Variants in CDH6 observed in about 807,000 individuals in gnomAD.
CDH6 encodes the protein cadherin 6.
CDH6 carries 31 observed loss-of-function variants against 78.0 expected under a neutral mutation model. That is an observed-to-expected ratio of 0.40 (90% CI 0.30 to 0.54). The LOEUF is 0.54. Ranked by LOEUF, CDH6 falls within the 20% of genes least tolerant of loss-of-function variation. CDH6 has a pLI of 0.56. For synonymous variants in CDH6, 376 were observed against 368.8 expected (o/e 1.02, Z -0.23); for missense variants, 724 against 975.9 (o/e 0.74, Z 3.44).
chr5:31,307,694 C>T (rs1355140583), intron 7 of CDH6, among the ~76,000 whole-genome samples: 1 of 152,176 alleles, frequency 6.6e-6, no homozygotes, highest in African/African-American at 2.4e-5. Context: ...AAGTAAGTAT[C>T]AAATTCAATT....
chr5:31,277,270 C>T (rs1742724415), intron 2 of CDH6, among the ~76,000 whole-genome samples: 1 of 152,268 alleles, frequency 6.6e-6, no homozygotes, highest in Non-Finnish European at 1.5e-5. Flanking sequence ...AACATCATCA[C>T]TTTATGGTAC....
intron 1 of CDH6, among the ~76,000 whole-genome samples, chr5:31,214,437 C>T (rs988183481): frequency 6.6e-6 from 1 of 152,162 alleles, no homozygotes; most frequent in Non-Finnish European, 1.5e-5. Context: ...ATGGTGGTTG[C>T]ACAATCAGAT....
intron 6 of CDH6, 65 bp from the exon 7 acceptor site, chr5:31,305,109 G>T: frequency 6.6e-7 from 1 of 1,525,304 alleles, no homozygotes; most frequent in Non-Finnish European, 8.8e-7. Context: ...AATGTTTCGT[G>T]TCTTGGCTTT....
intron 1 of CDH6, chr5:31,251,892 A>G (rs1420590372): frequency 6.6e-6 from 1 of 152,220 alleles, no homozygotes; most frequent in Non-Finnish European, 1.5e-5. Context: ...TCATATTCCA[A>G]AATGACACTT....
intron 1 of CDH6, among the ~76,000 whole-genome samples, chr5:31,224,700 C>G (rs12656151): frequency 6.6e-6 from 1 of 152,006 alleles, no homozygotes; most frequent in African/African-American, 2.4e-5. Flanking sequence ...ACTACAGGCA[C>G]GTGCCACCAC....
intron 1 of CDH6, among the ~76,000 whole-genome samples, chr5:31,202,642 A>AAT (rs921185658): frequency 2.3e-5 from 3 of 130,350 alleles, no homozygotes; most frequent in South Asian, 5.9e-4. Flanking sequence ...ACCTCAAAAA[A>AAT]ATATATATAT....
intron 1 of CDH6, among the ~76,000 whole-genome samples, chr5:31,200,941 A>G: frequency 6.6e-6 from 1 of 152,110 alleles, no homozygotes. Context: ...TTTATCTAAT[A>G]CTCTTCATTT....
chr5:31,323,022 C>T lies in CDH6; in HGVS notation c.2087C>T (p.Ala696Val). ...TTACGAAGGGACATTGTGCCCGAAG[C>T]CCTTTTCCTACCCCGACGGACTCCA... is the stretch of plus-strand genomic sequence containing the variant. ...NKLRRDIVPE[A>V]LFLPRRTPTA... Residue 696 changes from alanine to valine, a missense_variant, in exon 12 of 12, where the codon GCC (alanine) becomes GTC (valine). Physicochemically the swap from Ala to Val is moderately conservative, Grantham distance 64. Coordinates refer to ENST00000265071, the MANE Select transcript of CDH6 (RefSeq NM_004932.4). 1 of 1,614,160 alleles carries T rather than the reference C, an allele frequency of 6.2e-7. No homozygotes were observed. Among genetic ancestry groups the T allele is most frequent in the Non-Finnish European group, 8.5e-7 (1 of 1,180,022 alleles).
intron 1 of CDH6, among the ~76,000 whole-genome samples, chr5:31,252,022 T>A (rs1741922990): frequency 1.3e-5 from 2 of 152,130 alleles, no homozygotes; most frequent in Non-Finnish European, 2.9e-5. Context: ...AAGAAAAAAA[T>A]TCTGGGACAA....
At chr5:31,237,100 C>G (rs1426203175) in intron 1 of CDH6, among the ~76,000 whole-genome samples, 2 of 152,088 alleles carry the variant, frequency 1.3e-5, no homozygotes, top group Non-Finnish European at 2.9e-5. Flanking sequence ...TTATCTAAAC[C>G]TCACCGTGTT....
At chr5:31,278,963 T>C (rs1466088197) in intron 2 of CDH6, among the ~76,000 whole-genome samples, 1 of 152,226 alleles carries the variant, frequency 6.6e-6, no homozygotes, top group African/African-American at 2.4e-5. Flanking sequence ...AAAATCTGGC[T>C]CATTTCCTTA....
At chr5:31,252,344 T>TGTGTGTGTGC (rs755276733) in intron 1 of CDH6, among the ~76,000 whole-genome samples, 3 of 151,982 alleles carry the variant, frequency 2.0e-5, no homozygotes, top group Non-Finnish European at 4.4e-5. Context: ...TGTGTGTGTG[T>TGTGTGTGTGC]GTGTGTGTAT....
intron 2 of CDH6, among the ~76,000 whole-genome samples, chr5:31,292,327 C>T (rs1437603927): frequency 6.6e-6 from 1 of 152,184 alleles, no homozygotes; most frequent in Non-Finnish European, 1.5e-5. Flanking sequence ...GAGCCTTTGA[C>T]ATGTCAACAG....
chr5:31,265,851 T>C (rs1742333318), intron 1 of CDH6, among the ~76,000 whole-genome samples: 1 of 136,180 alleles, frequency 7.3e-6, no homozygotes, highest in Non-Finnish European at 1.5e-5. Context: ...CTTGGCTCAC[T>C]GCAAGCTCCG....
intron 7 of CDH6, among the ~76,000 whole-genome samples, chr5:31,306,277 A>G (rs1737987473): frequency 6.6e-6 from 1 of 152,216 alleles, no homozygotes; most frequent in South Asian, 2.1e-4. Context: ...GGAAATTAAT[A>G]CAACAGAGTC....
At chr5:31,308,596 G>C (rs1738060599) in intron 7 of CDH6, among the ~76,000 whole-genome samples, 1 of 151,998 alleles carries the variant, frequency 6.6e-6, no homozygotes, top group South Asian at 2.1e-4. Context: ...AACAAGCAAG[G>C]CTTGTGTACA....
intron 2 of CDH6, among the ~76,000 whole-genome samples, chr5:31,284,097 G>GA (rs1349982239): frequency 6.6e-6 from 1 of 152,186 alleles, no homozygotes; most frequent in East Asian, 1.9e-4. Flanking sequence ...TTACAGGAAT[G>GA]AGCCACCGTG....
At chr5:31,221,351 C>T (rs1442535168) in intron 1 of CDH6, among the ~76,000 whole-genome samples, 1 of 152,150 alleles carries the variant, frequency 6.6e-6, no homozygotes, top group Non-Finnish European at 1.5e-5. Context: ...GTCTTGTGCT[C>T]AACTCACATA....
chr5:31,273,461 C>T (rs1005477825), intron 2 of CDH6, among the ~76,000 whole-genome samples: 7 of 152,174 alleles, frequency 4.6e-5, no homozygotes, highest in Non-Finnish European at 8.8e-5. Flanking sequence ...AACCCTAATG[C>T]ATGGGTATTG....
Sources: gnomAD v4.1 joint callset for allele counts (sites outside exome capture counted in the v4.1 genomes callset) on GRCh38, gnomAD v4.1.1 for gene constraint, MANE v1.5 for transcripts, NCBI Gene and HGNC (gene_info 2026-07-23, HGNC 2026-07-21) for gene names.